Variants in ATP10B observed in about 807,000 individuals in gnomAD.
ATP10B encodes ATPase phospholipid transporting 10B (putative).
Under a neutral mutation model 141.2 loss-of-function variants are expected in ATP10B, and 122 were observed. The observed-to-expected ratio is 0.86, with a 90% CI of 0.75 to 1.00. The LOEUF (loss-of-function observed/expected upper bound fraction) is 1.00, where lower values mean the gene tolerates loss of function less well. ATP10B is among the 50% of genes least tolerant of loss of function. The pLI is 0.00. For missense variants in ATP10B, 1,876 were observed against 1,825.3 expected, an observed-to-expected ratio of 1.03 and a Z score of -0.51; for synonymous variants, 685 against 692.0, an observed-to-expected ratio of 0.99 and a Z score of 0.16.
intron 1 of ATP10B, among the ~76,000 whole-genome samples, chr5:160,800,743 G>T (rs1772322194): frequency 6.6e-6 from 1 of 152,262 alleles, no homozygotes; most frequent in African/African-American, 2.4e-5. Context: ...ATTCCCCTTT[G>T]CTTCTCAGTG....
At chr5:160,893,006 A>G in the ATP10B span, among the ~76,000 whole-genome samples, 1 of 151,950 alleles carries the variant, frequency 6.6e-6, no homozygotes, top group Non-Finnish European at 1.5e-5. Context: ...TGAACGGTGC[A>G]CTCCAGCCCA....
At chr5:160,656,911 C>CA (rs1761545348) in intron 7 of ATP10B, among the ~76,000 whole-genome samples, 1 of 151,966 alleles carries the variant, frequency 6.6e-6, no homozygotes, top group South Asian at 2.1e-4. Context: ...GAATGTTTAC[C>CA]AAAAAGACGA....
intron 22 of ATP10B, among the ~76,000 whole-genome samples, chr5:160,596,997 C>T (rs1450972897): frequency 2.6e-5 from 4 of 152,084 alleles, no homozygotes; most frequent in African/African-American, 4.8e-5. Context: ...CAATGCCATC[C>T]CCATCAAGCT....
At chr5:160,645,770 C>T (rs559143091) in intron 8 of ATP10B, among the ~76,000 whole-genome samples, 1 of 152,140 alleles carries the variant, frequency 6.6e-6, no homozygotes, top group Non-Finnish European at 1.5e-5. Flanking sequence ...CTTTTTTAAA[C>T]GTGTTGTTCT....
the ATP10B span, among the ~76,000 whole-genome samples, chr5:160,916,397 G>GT: frequency 2.6e-3 from 395 of 152,016 alleles, 6 homozygotes; most frequent in African/African-American, 8.4e-3. Context: ...GGCAAAAGAT[G>GT]TTTTTTTTGT....
At chr5:160,663,442 T>C (rs1762083563) in intron 7 of ATP10B, among the ~76,000 whole-genome samples, 1 of 152,120 alleles carries the variant, frequency 6.6e-6, no homozygotes, top group Admixed American at 6.5e-5. Flanking sequence ...ATATACACCA[T>C]GGAATACTAT....
upstream of ATP10B, among the ~76,000 whole-genome samples, chr5:160,852,563 A>G (rs1486456355): frequency 1.3e-5 from 2 of 152,112 alleles, no homozygotes; most frequent in East Asian, 1.9e-4. Flanking sequence ...CTGATGATGA[A>G]TTTGCCCTCA....
At chr5:160,623,207 C>T (rs1188302599) in intron 13 of ATP10B, among the ~76,000 whole-genome samples, 7 of 152,202 alleles carry the variant, frequency 4.6e-5, no homozygotes, top group Non-Finnish European at 8.8e-5. Flanking sequence ...CAAAATCCTA[C>T]CTAGACTTCA....
intron 1 of ATP10B, among the ~76,000 whole-genome samples, chr5:160,797,948 G>GA (rs34913318): frequency 0.062 from 7,924 of 127,362 alleles, 251 homozygotes; most frequent in Middle Eastern, 0.095. Flanking sequence ...AAGAAAAAAA[G>GA]AAAAAAAAAA....
intron 1 of ATP10B, among the ~76,000 whole-genome samples, chr5:160,840,795 A>G (rs1561914254): frequency 6.6e-6 from 1 of 152,158 alleles, no homozygotes; most frequent in Non-Finnish European, 1.5e-5. Flanking sequence ...ACAAAAGAAA[A>G]AGAGAGGCAA....
chr5:160,926,846 A>T, the ATP10B span, among the ~76,000 whole-genome samples: 410 of 152,266 alleles, frequency 2.7e-3, 3 homozygotes, highest in African/African-American at 9.5e-3. Context: ...GGTACTGTGG[A>T]TTTTCTGCAA....
chr5:160,604,478 C>A (rs1339049907), intron 19 of ATP10B, among the ~76,000 whole-genome samples: 2 of 152,094 alleles, frequency 1.3e-5, no homozygotes, highest in Non-Finnish European at 2.9e-5. Context: ...GATTCCAGGG[C>A]CAACACACTT....
the ATP10B span, among the ~76,000 whole-genome samples, chr5:160,881,241 A>T: frequency 6.6e-6 from 1 of 152,174 alleles, no homozygotes; most frequent in African/African-American, 2.4e-5. Flanking sequence ...CAACAACAGG[A>T]TACCACGACA....
intron 3 of ATP10B, among the ~76,000 whole-genome samples, chr5:160,709,626 T>A (rs1449435961): frequency 6.8e-6 from 1 of 146,362 alleles, no homozygotes; most frequent in Non-Finnish European, 1.5e-5. Flanking sequence ...TTTTTTATTA[T>A]ACTCTAAGTT....
chr5:160,809,599 A>C (rs1483119225), intron 1 of ATP10B, among the ~76,000 whole-genome samples: 3 of 152,226 alleles, frequency 2.0e-5, no homozygotes, highest in Non-Finnish European at 4.4e-5. Flanking sequence ...TATTGTTAAC[A>C]ATAGTCATCT....
Position 160,730,705 on chromosome 5 carries a change from T to C in ATP10B, c.-330-13671A>G, listed in dbSNP as rs190606682. 2.4e-3 allele frequency among the ~76,000 whole-genome samples: 370 copies of C among 152,242 alleles called. 3 individuals are homozygous for C. Among genetic ancestry groups the C allele is most frequent in the African/African-American group, 8.6e-3 (357 of 41,540 alleles). On this transcript the variant is annotated intron_variant, in intron 2 of 25. Coordinates refer to ENST00000327245, the MANE Select transcript of ATP10B (RefSeq NM_025153.3). ...GCCCCCTTGTATATTCTAGACACTC[T>C]CCAGGGTGTCTGTCCAGCTAGTACC...
intron 1 of ATP10B, among the ~76,000 whole-genome samples, chr5:160,830,004 G>A (rs1774951149): frequency 1.3e-5 from 2 of 152,008 alleles, no homozygotes; most frequent in East Asian, 3.9e-4. Flanking sequence ...AGGAGTGGTG[G>A]GAGTGGGCAT....
At chr5:160,783,593 A>ACACG (rs1040458353) in intron 2 of ATP10B, among the ~76,000 whole-genome samples, 3 of 111,440 alleles carry the variant, frequency 2.7e-5, no homozygotes, top group African/African-American at 8.9e-5. Context: ...ACACACACAC[A>ACACG]CACATACACA....
intron 2 of ATP10B, among the ~76,000 whole-genome samples, chr5:160,755,820 AAAAAAAAAAAAAAAAAAAAT>A (rs1273929752): frequency 2.9e-4 from 15 of 51,938 alleles, no homozygotes; most frequent in East Asian, 1.5e-3. Context: ...GTCTCAAAAA[AAAAAAAAAAAAAAAAAAAAT>A]ATATATATAT....
Sources: allele counts gnomAD v4.1 joint callset (sites outside exome capture counted in the v4.1 genomes callset), GRCh38; gene constraint gnomAD v4.1.1; transcripts MANE v1.5; gene names NCBI Gene and HGNC (gene_info 2026-07-23, HGNC 2026-07-21).